The following KTN1 variants were observed in gnomAD, a reference collection of about 807,000 sequenced individuals.
The protein encoded by KTN1 is kinectin 1.
A neutral mutation model predicts 222.5 loss-of-function variants in KTN1; 130 were observed. The observed-to-expected ratio is 0.58, with a 90% CI of 0.51 to 0.68. The LOEUF (loss-of-function observed/expected upper bound fraction) is 0.68. Among genes scored for constraint, KTN1 ranks in the 30% least tolerant of loss-of-function variants. The pLI is 0.00. For synonymous variants in KTN1, 512 were observed against 496.3 expected (o/e 1.03, Z -0.42); for missense variants, 1,508 against 1,500.4 (o/e 1.01, Z -0.08).
intron 1 of KTN1, among the ~76,000 whole-genome samples, chr14:55,611,201 C>T (rs1482001905): frequency 2.0e-5 from 3 of 152,024 alleles, no homozygotes; most frequent in African/African-American, 7.2e-5. Context: ...GATCCTCTCA[C>T]CTCAGCCTGC....
rs2046604432 is a variant in KTN1, at chr14:55,684,272, A to AT, written c.*169_*170insT. 4.1e-6 allele frequency: 2 copies of AT among 489,114 alleles called. No individual in the cohort carries two copies. The highest frequency in any genetic ancestry group is 7.1e-6 in the Non-Finnish European group (2 of 281,554). The allele number at this position is 489,114 out of a possible 1,614,324, so 30.3% of individuals were successfully genotyped here. A position where few individuals can be genotyped will look rare whatever the true frequency, so the allele number is the denominator to read the frequency against. Reference sequence around the variant, plus strand: ...ACTGATTTAAAGAAGGAAAAAAAAAAGCCAACTCTGTAGACACCTTCAGAG... The same window carrying AT: ...ACTGATTTAAAGAAGGAAAAAAAAAATGCCAACTCTGTAGACACCTTCAGAG... On this transcript the variant is annotated 3_prime_UTR_variant, in exon 44 of 44. Coordinates refer to ENST00000395314, the MANE Select transcript of KTN1 (RefSeq NM_001079521.2).
At chr14:55,637,889 C>A in intron 12 of KTN1, 42 bp downstream of exon 12, 2 of 1,449,478 alleles carry the variant, frequency 1.4e-6, no homozygotes, top group Non-Finnish European at 1.9e-6. Flanking sequence ...TAACTTGCAG[C>A]CATTTAAACA....
chr14:55,604,621 G>A (rs531909963), intron 1 of KTN1, among the ~76,000 whole-genome samples: 5 of 152,052 alleles, frequency 3.3e-5, no homozygotes, highest in African/African-American at 1.2e-4. Flanking sequence ...TTACCACTTA[G>A]TAGAATGTTA....
At chr14:55,651,409 T>C (rs1310683484) in intron 24 of KTN1, 1 of 452,756 alleles carries the variant, frequency 2.2e-6, no homozygotes. Context: ...AAGAAAAAAT[T>C]AAAAAAGGAC....
At chr14:55,667,421 T>A (rs2044920523) in intron 34 of KTN1, 91 bp downstream of exon 34, 1 of 654,496 alleles carries the variant, frequency 1.5e-6, no homozygotes, top group African/African-American at 1.9e-5. Context: ...TTGGTTTCAG[T>A]AGAGTGCTGA....
intron 42 of KTN1, chr14:55,678,713 A>G: frequency 2.8e-6 from 1 of 361,114 alleles, no homozygotes; most frequent in East Asian, 5.4e-5. Context: ...ACCAGGCCAC[A>G]CAGCAGGAGA....
chr14:55,594,657 T>C (rs186331980), intron 1 of KTN1, among the ~76,000 whole-genome samples: 1 of 152,350 alleles, frequency 6.6e-6, no homozygotes, highest in African/African-American at 2.4e-5. Flanking sequence ...AATGAAAGCC[T>C]ATTTCCATTA....
chr14:55,613,526 C>T (rs2037907871), intron 2 of KTN1, among the ~76,000 whole-genome samples: 1 of 143,776 alleles, frequency 7.0e-6, no homozygotes, highest in Admixed American at 7.0e-5. Flanking sequence ...GGGAGTCTCA[C>T]ACTCTCACCC....
chr14:55,636,945 G>A (rs537313066), intron 10 of KTN1, among the ~76,000 whole-genome samples: 55 of 151,694 alleles, frequency 3.6e-4, no homozygotes, highest in Middle Eastern at 3.4e-3. Context: ...ACATGCTAAC[G>A]TTTACTCATT....
At chr14:55,664,475 T>G (rs778460960) in intron 33 of KTN1, among the ~76,000 whole-genome samples, 2 of 152,136 alleles carry the variant, frequency 1.3e-5, no homozygotes, top group Non-Finnish European at 2.9e-5. Context: ...AGAGAAATGA[T>G]CAAAGTCTTA....
intron 12 of KTN1, 128 bp from the exon 13 acceptor site, chr14:55,639,056 TG>T: frequency 1.7e-6 from 1 of 596,006 alleles, no homozygotes; most frequent in Non-Finnish European, 3.0e-6. Context: ...ACACTTACCA[TG>T]GGCCAGATAC....
At chr14:55,674,138 C>G (rs909718530) in intron 40 of KTN1, 10 of 151,916 alleles carry the variant, frequency 6.6e-5, no homozygotes, top group Admixed American at 5.2e-4. Context: ...TTAACTCATT[C>G]ATTTGTGGTT....
At chr14:55,603,472 G>A (rs944558818) in intron 1 of KTN1, among the ~76,000 whole-genome samples, 5 of 152,142 alleles carry the variant, frequency 3.3e-5, no homozygotes, top group African/African-American at 1.2e-4. Context: ...TGACAAAATT[G>A]GTCCGTCTCT....
chr14:55,663,943 A>G lies in KTN1; in HGVS notation c.3091-12A>G. ...TGGATAAACTGAAATCATTCTTTCT[A>G]AAAATGATTAGGACCTTCGGGAGAA... On this transcript the variant is annotated splice_polypyrimidine_tract_variant and intron_variant, in intron 32 of 43. Coordinates refer to ENST00000395314, the MANE Select transcript of KTN1 (RefSeq NM_001079521.2). 1 of 1,595,074 alleles carries G rather than the reference A, an allele frequency of 6.3e-7. No homozygotes were observed. The highest frequency in any genetic ancestry group is 1.1e-5 in the South Asian group (1 of 89,834).
In KTN1 at chr14:55,619,271, C is replaced by G; in HGVS notation, c.922C>G (p.Leu308Val). 6.2e-7 allele frequency: 1 copy of G among 1,613,048 alleles called. No individual in the cohort carries two copies. The highest frequency in any genetic ancestry group is 8.5e-7 in the Non-Finnish European group (1 of 1,179,278). Residue 308 changes from leucine (L) to valine (V), a missense_variant, in exon 5 of 44, where the codon CTA becomes GTA. Physicochemically the swap from Leu to Val is conservative, Grantham distance 32 (BLOSUM62 1). Coordinates refer to ENST00000395314, the MANE Select transcript of KTN1 (RefSeq NM_001079521.2). Reference protein sequence around the residue: ...EDEALCVVDLLKEKSGVIQDA... With the variant: ...EDEALCVVDLVKEKSGVIQDA... Reference sequence around the variant, plus strand: ...TGAGGCTCTTTGTGTTGTAGACTTGCTAAAGGAGAAGTCTGGTGTAATACA... The same window carrying G: ...TGAGGCTCTTTGTGTTGTAGACTTGGTAAAGGAGAAGTCTGGTGTAATACA...
intron 40 of KTN1, 102 bp downstream of exon 40, chr14:55,673,357 A>G (rs2045616476): frequency 1.5e-6 from 1 of 665,880 alleles, no homozygotes; most frequent in Non-Finnish European, 2.6e-6. Context: ...TAACATCTTT[A>G]GCTTGGCCTT....
intron 24 of KTN1, among the ~76,000 whole-genome samples, chr14:55,650,921 T>C (rs1309892849): frequency 6.6e-6 from 1 of 152,126 alleles, no homozygotes; most frequent in African/African-American, 2.4e-5. Context: ...AGTTTGGCAA[T>C]TTTTTTAATC....
chr14:55,590,484 A>G (rs1045980948), intron 1 of KTN1, among the ~76,000 whole-genome samples: 1 of 152,100 alleles, frequency 6.6e-6, no homozygotes, highest in African/African-American at 2.4e-5. Flanking sequence ...TGAGAACATA[A>G]TCCTTTTTAT....
At chr14:55,669,908 TGA>T (rs1305285195) in intron 34 of KTN1, among the ~76,000 whole-genome samples, 1 of 152,060 alleles carries the variant, frequency 6.6e-6, no homozygotes, top group Non-Finnish European at 1.5e-5. Flanking sequence ...AAAAATTTCA[TGA>T]GTTTTTTTCT....
Sources: allele counts gnomAD v4.1 joint callset (sites outside exome capture counted in the v4.1 genomes callset), GRCh38; gene constraint gnomAD v4.1.1; transcripts MANE v1.5; gene names NCBI Gene and HGNC (gene_info 2026-07-23, HGNC 2026-07-21).